Variants in CACNA1B observed in about 807,000 individuals in gnomAD.
CACNA1B encodes voltage-dependent N-type calcium channel subunit alpha-1B.
CACNA1B carries 70 observed loss-of-function variants against 247.2 expected under a neutral mutation model. The ratio of observed to expected loss-of-function variants is 0.28; its 90% CI spans 0.23 to 0.35. The LOEUF (loss-of-function observed/expected upper bound fraction) is 0.35, where lower values mean the gene tolerates loss of function less well. Ranked by LOEUF, CACNA1B falls within the 10% of genes least tolerant of loss-of-function variation. CACNA1B has a pLI of 1.00. For synonymous variants in CACNA1B, 1,231 were observed against 1,294.4 expected (o/e 0.95, Z 1.05); for missense variants, 2,367 against 3,197.4 (o/e 0.74, Z 6.26).
At chr9:138,118,534 G>A (rs1961959816) in intron 43 of CACNA1B, 118 bp from the exon 44 acceptor site, 1 of 612,370 alleles carries the variant, frequency 1.6e-6, no homozygotes. Flanking sequence ...GTGGGAGTTA[G>A]GTGAGACTGA....
intron 18 of CACNA1B, among the ~76,000 whole-genome samples, chr9:138,016,057 C>T (rs1008891004): frequency 6.6e-6 from 1 of 152,142 alleles, no homozygotes; most frequent in African/African-American, 2.4e-5. Flanking sequence ...CACAGACTCA[C>T]ACAGACACAC....
rs1957208774 is a variant in CACNA1B at position 137,899,555 on chromosome 9, G to A, written c.531-13625G>A. On this transcript the variant is annotated intron_variant, in intron 3 of 46. Transcript: ENST00000371372. The surrounding 1 kb of genome is among the most constrained non-coding windows in gnomAD (Gnocchi z 5.0). ...CTCCCCTGTCCTTGCTTTGGAGCAG[G>A]CTAGGTGGCTCCCACTTCTTGGCCT... Among the ~76,000 whole-genome samples, 2 of 152,216 alleles carry A rather than the reference G, an allele frequency of 1.3e-5. No homozygotes were observed. The highest frequency in any genetic ancestry group is 4.8e-5 in the African/African-American group (2 of 41,460).
chr9:137,901,803 CCTCA>C (rs1363879275), intron 3 of CACNA1B, among the ~76,000 whole-genome samples: 2 of 151,530 alleles, frequency 1.3e-5, no homozygotes, highest in Non-Finnish European at 2.9e-5. Context: ...GATTCTCCTG[CCTCA>C]GCCTCTTGAG....
rs376149799 is a variant in CACNA1B, at chr9:138,122,025, G to A, written c.*26G>A. The A allele has an allele frequency of 5.1e-6, 8 of 1,572,200 alleles. No homozygotes were observed. In the African/African-American group the frequency reaches 8.1e-5, roughly 16 times the overall value. On this transcript the variant is annotated 3_prime_UTR_variant, in exon 47 of 47. Coordinates refer to ENST00000371372, the MANE Select transcript of CACNA1B (RefSeq NM_000718.4). Reference sequence around the variant, plus strand: ...CTGCACCGTGACCGCTCAGACGCCTGCATGCAGCAGGCGTGTGTTCCAGTG... The same window carrying A: ...CTGCACCGTGACCGCTCAGACGCCTACATGCAGCAGGCGTGTGTTCCAGTG...
At chr9:138,039,261 C>A (rs1959086720) in intron 20 of CACNA1B, among the ~76,000 whole-genome samples, 1 of 150,772 alleles carries the variant, frequency 6.6e-6, no homozygotes, top group Non-Finnish European at 1.5e-5. Context: ...ATTTGTAATT[C>A]AAATAGAAGA....
intron 3 of CACNA1B, among the ~76,000 whole-genome samples, chr9:137,911,559 G>A (rs1281858533): frequency 6.6e-6 from 1 of 152,194 alleles, no homozygotes; most frequent in African/African-American, 2.4e-5. Flanking sequence ...GGAATTACAG[G>A]CATGCGCTAC....
At chr9:138,049,068 TG>T in intron 23 of CACNA1B, 140 bp from the exon 24 acceptor site, 1 of 664,536 alleles carries the variant, frequency 1.5e-6, no homozygotes. Flanking sequence ...TTGCCCTGGC[TG>T]GTGTCCAACT....
At chr9:138,099,729 G>C (rs537332777) in intron 37 of CACNA1B, among the ~76,000 whole-genome samples, 11 of 152,258 alleles carry the variant, frequency 7.2e-5, no homozygotes, top group African/African-American at 2.6e-4. Flanking sequence ...TGGTGTACAC[G>C]TGCCTGTGGT....
At chr9:137,889,128 CTG>C (rs1957059568) in intron 3 of CACNA1B, among the ~76,000 whole-genome samples, 3 of 150,374 alleles carry the variant, frequency 2.0e-5, no homozygotes, top group Admixed American at 6.6e-5. Flanking sequence ...CGACCTGACA[CTG>C]TGTCTGAACA....
intron 3 of CACNA1B, among the ~76,000 whole-genome samples, chr9:137,909,706 T>C (rs1957339542): frequency 6.6e-6 from 1 of 152,194 alleles, no homozygotes; most frequent in African/African-American, 2.4e-5. Flanking sequence ...TTCAATTCTT[T>C]TGGATATATA....
At chr9:137,909,120 A>G (rs1472138714) in intron 3 of CACNA1B, among the ~76,000 whole-genome samples, 1 of 151,392 alleles carries the variant, frequency 6.6e-6, no homozygotes, top group Non-Finnish European at 1.5e-5. Flanking sequence ...CCTCCCGAGT[A>G]GCTGGGATTA....
At chr9:137,941,606 A>G (rs1282642025) in intron 6 of CACNA1B, among the ~76,000 whole-genome samples, 2 of 152,236 alleles carry the variant, frequency 1.3e-5, no homozygotes, top group Admixed American at 6.5e-5. Context: ...AAACTATAGT[A>G]TAAGGCCATA....
intron 15 of CACNA1B, among the ~76,000 whole-genome samples, chr9:137,988,527 T>C (rs996531524): frequency 1.3e-5 from 2 of 152,112 alleles, no homozygotes; most frequent in East Asian, 3.9e-4. Flanking sequence ...GATGATGCTC[T>C]GATTCAGACA....
intron 6 of CACNA1B, among the ~76,000 whole-genome samples, chr9:137,949,421 G>A (rs892455695): frequency 6.6e-6 from 1 of 150,396 alleles, no homozygotes; most frequent in East Asian, 2.0e-4. Flanking sequence ...GTGTGTGTAT[G>A]GTGTATGTGT....
At chr9:137,976,556 C>CA (rs2133371764) in intron 12 of CACNA1B, among the ~76,000 whole-genome samples, 1 of 151,910 alleles carries the variant, frequency 6.6e-6, no homozygotes, top group East Asian at 1.9e-4. Flanking sequence ...CTTACCATGA[C>CA]AGTTGAACAC....
At chr9:138,067,823 G>A (rs866460884) in intron 31 of CACNA1B, among the ~76,000 whole-genome samples, 2 of 152,190 alleles carry the variant, frequency 1.3e-5, no homozygotes, top group African/African-American at 4.8e-5. Context: ...GTACTCCTAG[G>A]CAGGTGTCCC....
At chr9:137,897,647 A>T (rs1236518878) in intron 3 of CACNA1B, among the ~76,000 whole-genome samples, 1 of 152,160 alleles carries the variant, frequency 6.6e-6, no homozygotes, top group African/African-American at 2.4e-5. Flanking sequence ...ACACATTTTA[A>T]TATGTTGTAT....
In CACNA1B at chr9:137,879,377, G is replaced by C. The variant is rs762239785; in HGVS notation, c.390+218G>C. ...CCCTGGGCGTGGCCACGTTAGCCCT[G>C]GGCCAGTCTGCCCTGTGCCACGAGC... On this transcript the variant is annotated intron_variant, in intron 2 of 46. Transcript: ENST00000371372. Among the ~76,000 whole-genome samples the C allele has an allele frequency of 3.9e-5, 6 of 152,358 alleles. No individual in the cohort carries two copies. The South Asian group carries it at 6.2e-4, about 16-fold the overall frequency.
intron 37 of CACNA1B, among the ~76,000 whole-genome samples, chr9:138,097,554 C>T (rs527263260): frequency 6.6e-6 from 1 of 152,352 alleles, no homozygotes; most frequent in South Asian, 2.1e-4. Flanking sequence ...GCTAGCACCT[C>T]ACTCACAGCG....
Sources: gnomAD v4.1 joint callset for allele counts (sites outside exome capture counted in the v4.1 genomes callset) on GRCh38, gnomAD v4.1.1 for gene constraint, Gnocchi (gnomAD v3.1) non-coding constraint, MANE v1.5 for transcripts, NCBI Gene and HGNC (gene_info 2026-07-23, HGNC 2026-07-21) for gene names.